Variants in SORCS1 observed in about 807,000 individuals in gnomAD.
SORCS1 encodes VPS10 domain-containing receptor SorCS1.
In SORCS1, 60 loss-of-function variants were observed where a neutral mutation model predicts 146.1. The observed-to-expected ratio is 0.41, with a 90% CI of 0.33 to 0.51. SORCS1 has a LOEUF of 0.51. Among genes scored for constraint, SORCS1 ranks in the 20% least tolerant of loss-of-function variants. The probability of loss-of-function intolerance (pLI) is 0.21; values close to 1 mark genes in which losing one functional copy is unlikely to be tolerated. For synonymous variants in SORCS1, 637 were observed against 584.0 expected (o/e 1.09, Z -1.31); for missense variants, 1,352 against 1,487.6 (o/e 0.91, Z 1.50).
At position 106,688,259 on chromosome 10, in the gene SORCS1, C is replaced by T. The variant is rs1853020224; in HGVS notation, c.1493G>A (p.Gly498Asp). ...CGCCTGCAGCAAACGCCAGTCTCTG[C>T]CTTTGTTATATGTGATGAAAGTCTT... Reference protein sequence around the residue: ...QVKTFITYNKGRDWRLLQAPD... With the variant: ...QVKTFITYNKDRDWRLLQAPD... Residue 498 changes from glycine to aspartate, a missense_variant, in exon 10 of 26, where the codon GGC becomes GAC. Gly to Asp is a moderately conservative substitution (Grantham distance 94). Around this residue, in one of 3 missense-constraint regions of SORCS1, gnomAD observed 648 missense variants for 793.8 expected, o/e 0.82. Transcript: ENST00000263054. 6.2e-7 allele frequency: 1 copy of T among 1,613,930 alleles called. No homozygotes were observed. The highest frequency in any genetic ancestry group is 1.3e-5 in the African/African-American group (1 of 74,922).
chr10:107,115,468 A>G (rs768326670), intron 1 of SORCS1, among the ~76,000 whole-genome samples: 2 of 152,094 alleles, frequency 1.3e-5, no homozygotes, highest in African/African-American at 2.4e-5. Context: ...GTCGTCAACT[A>G]ATCTTTGATG....
chr10:106,996,340 C>T lies in SORCS1; in HGVS notation c.559-39760G>A, dbSNP rs987753422. The stretch of plus-strand genomic sequence containing the variant: ...CCTCTATACAAGGGAACAGAATTTA[C>T]TTGTCTATAGCTAAAAATTATTTTG... On this transcript the variant is annotated intron_variant, in intron 1 of 25. Coordinates refer to ENST00000263054, the MANE Select transcript of SORCS1 (RefSeq NM_052918.5). Among the ~76,000 whole-genome samples the T allele has an allele frequency of 2.0e-5, 3 of 151,382 alleles. No individual in the cohort carries two copies. The East Asian group carries it at 5.9e-4, about 30-fold the overall frequency.
At chr10:106,744,900 C>A (rs1378715718) in intron 5 of SORCS1, among the ~76,000 whole-genome samples, 1 of 152,142 alleles carries the variant, frequency 6.6e-6, no homozygotes, top group East Asian at 1.9e-4. Context: ...TGGGTGAGAA[C>A]CCCACCTCCA....
intron 6 of SORCS1, among the ~76,000 whole-genome samples, chr10:106,711,328 A>C (rs1221133699): frequency 6.6e-6 from 1 of 152,240 alleles, no homozygotes; most frequent in East Asian, 1.9e-4. Context: ...TTTCCAAATG[A>C]AAATATCAGA....
chr10:106,754,486 T>C (rs926842345), intron 5 of SORCS1, among the ~76,000 whole-genome samples: 5 of 152,246 alleles, frequency 3.3e-5, no homozygotes, highest in Non-Finnish European at 7.3e-5. Flanking sequence ...TTCTATCACA[T>C]ATCTTGAAAG....
intron 1 of SORCS1, among the ~76,000 whole-genome samples, chr10:107,092,985 T>C (rs1964307096): frequency 6.6e-6 from 1 of 151,728 alleles, no homozygotes; most frequent in African/African-American, 2.4e-5. Flanking sequence ...CAGGTAATGA[T>C]TTAAGTTTTA....
intron 1 of SORCS1, among the ~76,000 whole-genome samples, chr10:107,102,436 TC>T (rs1253612822): frequency 1.3e-5 from 2 of 152,130 alleles, no homozygotes; most frequent in Non-Finnish European, 2.9e-5. Context: ...AAACAAGTGT[TC>T]CCAAGTGAAG....
chr10:106,634,126 C>T (rs920938598), intron 18 of SORCS1, among the ~76,000 whole-genome samples: 2 of 152,164 alleles, frequency 1.3e-5, no homozygotes, highest in Non-Finnish European at 2.9e-5. Flanking sequence ...TCATTGTGGA[C>T]TGAAGCATAA....
At chr10:107,169,720 C>T in the SORCS1 span, among the ~76,000 whole-genome samples, 1 of 152,150 alleles carries the variant, frequency 6.6e-6, no homozygotes, top group Non-Finnish European at 1.5e-5. Flanking sequence ...CTGTATCTTA[C>T]AGAATACAAA....
rs3044907 is a variant in SORCS1, at chr10:106,625,200, CTGTGTGTGTGTGTGTGTGTGTG to C, written c.2662+3980_2662+4001del. Among the ~76,000 whole-genome samples, 12 of 140,142 alleles carry C rather than the reference CTGTGTGTGTGTGTGTGTGTGTG, an allele frequency of 8.6e-5. No individual in the cohort carries two copies. In the East Asian group the frequency reaches 1.3e-3, roughly 15 times the overall value. The allele number at this position is 140,142 out of a possible 152,430, so 91.9% of individuals were successfully genotyped here. A position where few individuals can be genotyped will look rare whatever the true frequency, so the allele number is the denominator to read the frequency against. ...CCGTGAGGCTGCACATTGTGTGATT[CTGTGTGTGTGTGTGTGTGTGTG>C]TGTGTGTGTGTGTGTGTGTGTGTGT... On this transcript the variant is annotated intron_variant, in intron 19 of 25. Coordinates refer to ENST00000263054, the MANE Select transcript of SORCS1 (RefSeq NM_052918.5).
intron 1 of SORCS1, among the ~76,000 whole-genome samples, chr10:107,081,718 A>C (rs1052152313): frequency 1.3e-5 from 2 of 152,262 alleles, no homozygotes; most frequent in African/African-American, 4.8e-5. Flanking sequence ...AGAAGAAAAA[A>C]GAATAAGGAA....
chr10:107,108,008 C>T (rs1458015617), intron 1 of SORCS1, among the ~76,000 whole-genome samples: 1 of 152,162 alleles, frequency 6.6e-6, no homozygotes, highest in Non-Finnish European at 1.5e-5. Context: ...TCCACGAACG[C>T]AGAGGGAGAA....
rs552014835 is a variant in SORCS1, at chr10:107,154,632, C to G, written c.558+9337G>C. Among the ~76,000 whole-genome samples the G allele has an allele frequency of 3.3e-5, 5 of 152,246 alleles. No homozygotes were observed. In the South Asian group the frequency reaches 1.0e-3, roughly 32 times the overall value. ...GACAGGGATGCTAAGAAGATTAGGA[C>G]AGTGCCCCAATCTTCAATTTAAGAA... On this transcript the variant is annotated intron_variant, in intron 1 of 25. Coordinates refer to ENST00000263054, the MANE Select transcript of SORCS1 (RefSeq NM_052918.5).
At chr10:106,980,267 A>C (rs1035707382) in intron 1 of SORCS1, among the ~76,000 whole-genome samples, 6 of 152,236 alleles carry the variant, frequency 3.9e-5, no homozygotes, top group Non-Finnish European at 8.8e-5. Flanking sequence ...ACATGTAATA[A>C]TTGTATGCCT....
chr10:107,170,897 G>A, the SORCS1 span, among the ~76,000 whole-genome samples: 5 of 152,152 alleles, frequency 3.3e-5, no homozygotes, highest in Non-Finnish European at 7.3e-5. Flanking sequence ...ACAGTGTGGG[G>A]CTTAAAATCC....
At chr10:107,076,789 T>C (rs1590079864) in intron 1 of SORCS1, among the ~76,000 whole-genome samples, 2 of 152,306 alleles carry the variant, frequency 1.3e-5, no homozygotes, top group African/African-American at 2.4e-5. Flanking sequence ...TTTTCTGAGG[T>C]TCTGATGGTG....
intron 18 of SORCS1, among the ~76,000 whole-genome samples, chr10:106,632,377 C>A (rs1001200278): frequency 6.6e-6 from 1 of 152,188 alleles, no homozygotes; most frequent in East Asian, 1.9e-4. Flanking sequence ...AAGGCTACGG[C>A]CACTGTAACA....
At chr10:107,068,851 C>T (rs563929233) in intron 1 of SORCS1, among the ~76,000 whole-genome samples, 3 of 137,210 alleles carry the variant, frequency 2.2e-5, no homozygotes, top group African/African-American at 8.5e-5. Context: ...GCCTGGGCAA[C>T]AGAGCGAGAC....
chr10:106,997,110 A>G (rs1447345589), intron 1 of SORCS1, among the ~76,000 whole-genome samples: 1 of 151,980 alleles, frequency 6.6e-6, no homozygotes, highest in Non-Finnish European at 1.5e-5. Flanking sequence ...CTGCCATTCC[A>G]AGGCAGGTAC....
Sources: allele counts gnomAD v4.1 joint callset (sites outside exome capture counted in the v4.1 genomes callset), GRCh38; gene constraint gnomAD v4.1.1; regional missense constraint gnomAD v4.1.1; transcripts MANE v1.5; gene names NCBI Gene and HGNC (gene_info 2026-07-23, HGNC 2026-07-21).